DRICH1: variants seen among roughly 807,000 people sequenced by gnomAD.
DRICH1 encodes the protein aspartate-rich protein 1.
In DRICH1, 38 loss-of-function variants were observed where a neutral mutation model predicts 39.5. The ratio of observed to expected loss-of-function variants is 0.96; its 90% CI spans 0.74 to 1.26. DRICH1 has a LOEUF of 1.26. DRICH1 is among the 50% of genes most tolerant of loss of function. The pLI, the probability that DRICH1 is intolerant of heterozygous loss-of-function variation, is 0.00. For missense variants in DRICH1, 279 were observed against 270.4 expected (o/e 1.03, Z -0.22); for synonymous variants, 84 against 99.5 (o/e 0.84, Z 0.93).
At chr22:23,596,700 G>C in the DRICH1 span, among the ~76,000 whole-genome samples, 1 of 152,096 alleles carries the variant, frequency 6.6e-6, no homozygotes, top group African/African-American at 2.4e-5. Flanking sequence ...CTTTGTTATT[G>C]ATTTCTACCT....
At chr22:23,630,449 A>T (rs1928323235) in intron 1 of DRICH1, among the ~76,000 whole-genome samples, 1 of 152,046 alleles carries the variant, frequency 6.6e-6, no homozygotes, top group Non-Finnish European at 1.5e-5. Context: ...TATTAAACTG[A>T]CCTTCAGGTA....
At chr22:23,626,826 A>G (rs1474246808) in intron 1 of DRICH1, among the ~76,000 whole-genome samples, 2 of 52,834 alleles carry the variant, frequency 3.8e-5, no homozygotes, top group East Asian at 8.4e-4. Context: ...AGAAAGAGGA[A>G]CTGAAGGAAC....
chr22:23,625,163 T>C (rs978765200), intron 2 of DRICH1, among the ~76,000 whole-genome samples: 1 of 152,186 alleles, frequency 6.6e-6, no homozygotes, highest in Non-Finnish European at 1.5e-5. Context: ...TGGAGGAAAA[T>C]GCCTCTGCAT....
At chr22:23,621,039 C>G (rs1927695779) in intron 4 of DRICH1, among the ~76,000 whole-genome samples, 1 of 152,112 alleles carries the variant, frequency 6.6e-6, no homozygotes, top group African/African-American at 2.4e-5. Flanking sequence ...TGCGCCTTGT[C>G]ATATTTTTAT....
At chr22:23,629,417 G>A (rs1471696192) in intron 1 of DRICH1, among the ~76,000 whole-genome samples, 1 of 152,166 alleles carries the variant, frequency 6.6e-6, no homozygotes, top group Non-Finnish European at 1.5e-5. Flanking sequence ...CCCCAACAGT[G>A]GGACAGTCCA....
downstream of DRICH1, among the ~76,000 whole-genome samples, chr22:23,605,051 C>A (rs916678897): frequency 1.3e-5 from 2 of 152,178 alleles, no homozygotes; most frequent in African/African-American, 4.8e-5. Context: ...GTCGCCTCAC[C>A]ACTCTGGCCT....
At chr22:23,629,565 C>T (rs558651909) in intron 1 of DRICH1, among the ~76,000 whole-genome samples, 4 of 152,240 alleles carry the variant, frequency 2.6e-5, no homozygotes, top group South Asian at 2.1e-4. Flanking sequence ...TGAGTTCTGA[C>T]GTGGCACTGG....
chr22:23,620,266 CTT>C (rs1348129841), intron 5 of DRICH1, among the ~76,000 whole-genome samples: 3 of 152,134 alleles, frequency 2.0e-5, no homozygotes, highest in Non-Finnish European at 4.4e-5. Flanking sequence ...CACCTCAAGT[CTT>C]GTTGCCCACC....
chr22:23,609,201 T>C (rs1926895780), intron 11 of DRICH1, among the ~76,000 whole-genome samples: 1 of 152,116 alleles, frequency 6.6e-6, no homozygotes, highest in Non-Finnish European at 1.5e-5. Context: ...AAGCCCACAC[T>C]ATGGAGGGAG....
At chr22:23,605,244 C>T (rs1171775895), downstream of DRICH1, among the ~76,000 whole-genome samples, 1 of 152,200 alleles carries the variant, frequency 6.6e-6, no homozygotes, top group Non-Finnish European at 1.5e-5. Context: ...CCTCCCACCA[C>T]ACACAGAGGG....
chr22:23,627,043 C>T (rs1162146770), intron 1 of DRICH1, among the ~76,000 whole-genome samples: 5 of 150,880 alleles, frequency 3.3e-5, no homozygotes, highest in African/African-American at 7.3e-5. Context: ...GGCCATTGCA[C>T]GGTGGCTGTT....
At chr22:23,603,839 C>G (rs996737895), downstream of DRICH1, among the ~76,000 whole-genome samples, 1 of 152,162 alleles carries the variant, frequency 6.6e-6, no homozygotes, top group African/African-American at 2.4e-5. Flanking sequence ...CCTTTATGAG[C>G]AAGACGATGA....
chr22:23,585,170 C>T, the DRICH1 span, among the ~76,000 whole-genome samples: 6 of 151,954 alleles, frequency 3.9e-5, no homozygotes, highest in Admixed American at 3.3e-4. Flanking sequence ...CAGGGTCTTG[C>T]TGTGTCAGCC....
chr22:23,598,921 C>T, the DRICH1 span, among the ~76,000 whole-genome samples: 1 of 152,228 alleles, frequency 6.6e-6, no homozygotes, highest in Admixed American at 6.5e-5. Context: ...GTGAGAGGCT[C>T]TGGCCTGAAA....
intron 1 of DRICH1, among the ~76,000 whole-genome samples, chr22:23,627,824 G>A (rs572829359): frequency 3.1e-4 from 47 of 152,072 alleles, no homozygotes; most frequent in Non-Finnish European, 3.5e-4. Context: ...CAACAGGCTG[G>A]ACAGGCTGAG....
the DRICH1 span, among the ~76,000 whole-genome samples, chr22:23,596,799 G>A: frequency 6.6e-6 from 1 of 152,182 alleles, no homozygotes; most frequent in African/African-American, 2.4e-5. Flanking sequence ...ATATTCCAGA[G>A]AACATTCCAT....
At chr22:23,629,881 T>C (rs1928288478) in intron 1 of DRICH1, among the ~76,000 whole-genome samples, 1 of 152,196 alleles carries the variant, frequency 6.6e-6, no homozygotes, top group Non-Finnish European at 1.5e-5. Context: ...CATCCCAAAG[T>C]GCTGGGATTA....
intron 11 of DRICH1, among the ~76,000 whole-genome samples, chr22:23,609,836 A>G (rs1481951808): frequency 6.6e-6 from 1 of 152,102 alleles, no homozygotes; most frequent in African/African-American, 2.4e-5. Flanking sequence ...CATCTGCTGC[A>G]ACCTTTTCTC....
intron 1 of DRICH1, among the ~76,000 whole-genome samples, chr22:23,631,340 CAGGAGGCAG>C: frequency 6.6e-6 from 1 of 151,850 alleles, no homozygotes; most frequent in East Asian, 1.9e-4. Flanking sequence ...CGCTTGAACC[CAGGAGGCAG>C]AGGTTGCAGT....
Sources: allele counts gnomAD v4.1 joint callset (sites outside exome capture counted in the v4.1 genomes callset), GRCh38; gene constraint gnomAD v4.1.1; transcripts MANE v1.5; gene names NCBI Gene and HGNC (gene_info 2026-07-23, HGNC 2026-07-21).